SMARCB1: variants seen among roughly 807,000 people sequenced by gnomAD.
SMARCB1 encodes SWI/SNF-related matrix-associated actin-dependent regulator of chromatin subfamily B member 1.
In SMARCB1, 5 loss-of-function variants were observed where a neutral mutation model predicts 49.0. The ratio of observed to expected loss-of-function variants is 0.10; its 90% CI spans 0.05 to 0.21. SMARCB1 has a LOEUF of 0.21. Ranked by LOEUF, SMARCB1 falls within the 10% of genes least tolerant of loss-of-function variation. SMARCB1 has a pLI of 1.00. For missense variants in SMARCB1, 226 were observed against 509.2 expected, an observed-to-expected ratio of 0.44 and a Z score of 5.35; for synonymous variants, 201 against 200.1, an observed-to-expected ratio of 1.00 and a Z score of -0.04.
At chr22:23,787,362 G>A in intron 1 of SMARCB1, 100 bp downstream of exon 1, 1 of 543,304 alleles carries the variant, frequency 1.8e-6, no homozygotes, top group Non-Finnish European at 2.9e-6. Context: ...CATCGGGGCG[G>A]GCGGGCGCGC....
intron 5 of SMARCB1, among the ~76,000 whole-genome samples, chr22:23,804,596 T>C (rs1388125500): frequency 1.3e-5 from 2 of 152,142 alleles, no homozygotes; most frequent in South Asian, 2.1e-4. Context: ...CAGGCTGGAG[T>C]GCGGTGGCAC....
chr22:23,833,315 CAGAG>C (rs1175768203), intron 7 of SMARCB1, among the ~76,000 whole-genome samples: 10 of 152,340 alleles, frequency 6.6e-5, no homozygotes, highest in African/African-American at 2.4e-4. Flanking sequence ...ATCTCAGAGA[CAGAG>C]AGACGCTGGG....
At chr22:23,818,174 G>A (rs1343829410) in intron 6 of SMARCB1, 1 of 100,744 alleles carries the variant, frequency 9.9e-6, no homozygotes. Flanking sequence ...GTGTGTGTGT[G>A]TCGCAGTCTC....
intron 4 of SMARCB1, chr22:23,803,069 T>C: frequency 6.4e-6 from 4 of 628,580 alleles, no homozygotes; most frequent in Non-Finnish European, 5.7e-6. Context: ...AGGTCGATTC[T>C]ATTGCAGACA....
chr22:23,803,769 A>G lies in SMARCB1; in HGVS notation c.628+347A>G, dbSNP rs559582547. On this transcript the variant is annotated intron_variant, in intron 5 of 8. Coordinates refer to ENST00000644036, the MANE Select transcript of SMARCB1 (RefSeq NM_003073.5). ...CACACACCTGCCTTGGGTCCTGTCC[A>G]CCACTCTGCTTCTGCTGTGTGAGGC... 48 of 386,510 alleles carry G rather than the reference A, an allele frequency of 1.2e-4. No homozygotes were observed. In the East Asian group the frequency reaches 2.8e-3, roughly 22 times the overall value. The allele number at this position is 386,510 out of a possible 1,614,324, so 23.9% of individuals were successfully genotyped here. A position where few individuals can be genotyped will look rare whatever the true frequency, so the allele number is the denominator to read the frequency against.
rs2146055389 is a variant in SMARCB1, at chr22:23,836,073, A to C, written c.*1893A>C. 1.0e-6 allele frequency: 1 copy of C among 985,420 alleles called. No individual in the cohort carries two copies. The highest frequency in any genetic ancestry group is 1.1e-4 in the East Asian group (1 of 8,834). The allele number at this position is 985,420 out of a possible 1,614,324, so 61.0% of individuals were successfully genotyped here. ...AGGAAAGCTGCCAGGTCAGAAGAGA[A>C]AAATGAGCCACAGGGGTCGGATAAG... On this transcript the variant is annotated 3_prime_UTR_variant, in exon 9 of 9. Transcript: ENST00000644036.
chr22:23,801,250 A>G (rs767101616), intron 4 of SMARCB1, 169 bp downstream of exon 4: 3 of 951,116 alleles, frequency 3.2e-6, no homozygotes, highest in Non-Finnish European at 5.0e-6. Flanking sequence ...CTTCCAGGAC[A>G]TTGTCCATAG....
chr22:23,798,925 C>CT (rs1928944795), intron 3 of SMARCB1, among the ~76,000 whole-genome samples: 1 of 152,014 alleles, frequency 6.6e-6, no homozygotes, highest in Non-Finnish European at 1.5e-5. Flanking sequence ...TGGTGGGCGC[C>CT]TGTAGTCCCA....
chr22:23,810,643 TTCCTC>T (rs1929817407), intron 5 of SMARCB1, among the ~76,000 whole-genome samples: 2 of 151,984 alleles, frequency 1.3e-5, no homozygotes, highest in Admixed American at 6.6e-5. Context: ...AAAATAGACT[TTCCTC>T]TCCTCTTGGG....
intron 7 of SMARCB1, among the ~76,000 whole-genome samples, chr22:23,828,209 C>T (rs778792117): frequency 3.3e-5 from 5 of 152,228 alleles, no homozygotes; most frequent in South Asian, 4.1e-4. Context: ...CCCGCCACCA[C>T]GCCCAGCTAA....
At position 23,801,091 on chromosome 22, in the gene SMARCB1, C is replaced by T. The variant is rs773391973; in HGVS notation, c.500+10C>T. On this transcript the variant is annotated intron_variant, in intron 4 of 8. Transcript: ENST00000644036. Reference sequence around the variant, plus strand: ...GAACCTTCCCCCTTTGGTGTGGATGCATCGCTGCACTCACCCTCCGTGCTG... The same window carrying T: ...GAACCTTCCCCCTTTGGTGTGGATGTATCGCTGCACTCACCCTCCGTGCTG... 1.9e-6 allele frequency: 3 copies of T among 1,614,092 alleles called. No homozygotes were observed. Among genetic ancestry groups the T allele is most frequent in the African/African-American group, 2.7e-5 (2 of 74,934 alleles).
At chr22:23,793,779 C>A in intron 3 of SMARCB1, 91 bp downstream of exon 3, 110 of 1,003,402 alleles carry the variant, frequency 1.1e-4, no homozygotes, top group Non-Finnish European at 1.4e-4. Context: ...TAAATTGAAA[C>A]ACTTTTTTTT....
chr22:23,831,088 G>C (rs2146036822), intron 7 of SMARCB1, among the ~76,000 whole-genome samples: 1 of 152,262 alleles, frequency 6.6e-6, no homozygotes, highest in Middle Eastern at 3.4e-3. Context: ...GAGTGGACTT[G>C]GCACCCTTCT....
Position 23,787,015 on chromosome 22 carries a change from C to T in SMARCB1, c.-155C>T. On this transcript the variant is annotated 5_prime_UTR_variant, in exon 1 of 9. Coordinates refer to ENST00000644036, the MANE Select transcript of SMARCB1 (RefSeq NM_003073.5). The stretch of plus-strand genomic sequence containing the variant: ...GCCTGGTCGTCGTCTGCGGCGGCGG[C>T]GGCGGCTGAGGAGCCCGGCTGAGGC... 1 of 507,198 alleles carries T rather than the reference C, an allele frequency of 2.0e-6. No individual in the cohort carries two copies. The highest frequency in any genetic ancestry group is 3.4e-6 in the Non-Finnish European group (1 of 290,132). The allele number at this position is 507,198 out of a possible 1,614,324, so 31.4% of individuals were successfully genotyped here. A position where few individuals can be genotyped will look rare whatever the true frequency, so the allele number is the denominator to read the frequency against.
At chr22:23,802,963 CCTT>C (rs1430753827) in intron 4 of SMARCB1, 38 of 423,878 alleles carry the variant, frequency 9.0e-5, no homozygotes, top group Non-Finnish European at 3.6e-5. Flanking sequence ...CTGGAAATGC[CCTT>C]CTCCTTTCCC....
At chr22:23,788,494 C>T (rs550665895) in intron 1 of SMARCB1, among the ~76,000 whole-genome samples, 17 of 150,760 alleles carry the variant, frequency 1.1e-4, no homozygotes, top group Admixed American at 8.6e-4. Context: ...CAGCCTTGAC[C>T]TCCTGGGCTC....
At chr22:23,822,331 A>G (rs964922874) in intron 6 of SMARCB1, among the ~76,000 whole-genome samples, 3 of 152,076 alleles carry the variant, frequency 2.0e-5, no homozygotes, top group Non-Finnish European at 4.4e-5. Context: ...CAGAGAGTGC[A>G]TGGGGTGAGA....
intron 1 of SMARCB1, among the ~76,000 whole-genome samples, chr22:23,789,548 T>A (rs1469033825): frequency 2.0e-5 from 3 of 152,190 alleles, no homozygotes; most frequent in Non-Finnish European, 4.4e-5. Flanking sequence ...ATGTGTATAA[T>A]GTGATGCTTA....
intron 7 of SMARCB1, among the ~76,000 whole-genome samples, chr22:23,827,779 A>G (rs2030460860): frequency 6.6e-6 from 1 of 152,164 alleles, no homozygotes; most frequent in Non-Finnish European, 1.5e-5. Context: ...GACAGCTGCA[A>G]GGATAGGACA....
Sources: allele counts gnomAD v4.1 joint callset (sites outside exome capture counted in the v4.1 genomes callset), GRCh38; gene constraint gnomAD v4.1.1; transcripts MANE v1.5; gene names NCBI Gene and HGNC (gene_info 2026-07-23, HGNC 2026-07-21).